CAPZA1: variants seen among roughly 807,000 people sequenced by gnomAD.
The protein encoded by CAPZA1 is capping actin protein of muscle Z-line subunit alpha 1.
In CAPZA1, 10 loss-of-function variants were observed where a neutral mutation model predicts 40.8. The ratio of observed to expected loss-of-function variants is 0.25; its 90% CI spans 0.15 to 0.42. The LOEUF is 0.42. Ranked by LOEUF, CAPZA1 falls within the 10% of genes least tolerant of loss-of-function variation. CAPZA1 has a pLI of 1.00. For synonymous variants in CAPZA1, 98 were observed against 115.0 expected, an observed-to-expected ratio of 0.85 and a Z score of 0.95; for missense variants, 277 against 353.8, an observed-to-expected ratio of 0.78 and a Z score of 1.74.
intron 1 of CAPZA1, among the ~76,000 whole-genome samples, chr1:112,639,900 T>A (rs1671103519): frequency 1.5e-5 from 2 of 129,704 alleles, no homozygotes; most frequent in African/African-American, 5.7e-5. Flanking sequence ...AGCCGCCCCG[T>A]CCGGGAGGGA....
At chr1:112,658,032 C>G (rs1167540679) in intron 5 of CAPZA1, among the ~76,000 whole-genome samples, 1 of 152,184 alleles carries the variant, frequency 6.6e-6, no homozygotes, top group African/African-American at 2.4e-5. Flanking sequence ...GGTTTGGATT[C>G]TACCTTTACC....
chr1:112,668,734 C>T (rs2101194779), intron 8 of CAPZA1, among the ~76,000 whole-genome samples: 1 of 152,244 alleles, frequency 6.6e-6, no homozygotes, highest in South Asian at 2.1e-4. Flanking sequence ...GCCTCGGCCT[C>T]CCAAAGTGCT....
intron 1 of CAPZA1, among the ~76,000 whole-genome samples, chr1:112,630,174 G>A (rs1006355552): frequency 6.6e-6 from 1 of 151,834 alleles, no homozygotes; most frequent in Non-Finnish European, 1.5e-5. Context: ...TTTCTAATGA[G>A]TAGCTAGGAC....
chr1:112,623,437 C>CT (rs1358475711), intron 1 of CAPZA1, among the ~76,000 whole-genome samples: 1 of 152,030 alleles, frequency 6.6e-6, no homozygotes, highest in African/African-American at 2.4e-5. Flanking sequence ...CCCCAACACT[C>CT]TGGGAGGCCG....
At chr1:112,646,894 A>C (rs1671290827) in intron 1 of CAPZA1, 1 of 186,362 alleles carries the variant, frequency 5.4e-6, no homozygotes, top group Non-Finnish European at 1.1e-5. Flanking sequence ...GTTTTGCTTA[A>C]ATGTTCATAA....
intron 1 of CAPZA1, among the ~76,000 whole-genome samples, chr1:112,626,667 T>G (rs1309711063): frequency 1.3e-5 from 2 of 152,204 alleles, no homozygotes; most frequent in Admixed American, 1.3e-4. Context: ...GCTTGAATTA[T>G]TTTTAACAAC....
chr1:112,631,673 A>G (rs779512607), intron 1 of CAPZA1, among the ~76,000 whole-genome samples: 46 of 152,132 alleles, frequency 3.0e-4, no homozygotes, highest in Non-Finnish European at 5.9e-4. Context: ...CTTGACATCT[A>G]CATCATTGCT....
At chr1:112,644,416 C>T (rs1167234015) in intron 1 of CAPZA1, among the ~76,000 whole-genome samples, 1 of 151,850 alleles carries the variant, frequency 6.6e-6, no homozygotes, top group Non-Finnish European at 1.5e-5. Flanking sequence ...GTCTTGAAGT[C>T]CTGACCTCAA....
At chr1:112,633,152 C>T (rs1326237409) in intron 1 of CAPZA1, among the ~76,000 whole-genome samples, 1 of 152,318 alleles carries the variant, frequency 6.6e-6, no homozygotes, top group East Asian at 1.9e-4. Flanking sequence ...CCATGCAGTG[C>T]AGTAGAGCAC....
At chr1:112,654,442 T>C in intron 4 of CAPZA1, 23 bp from the exon 5 acceptor site, 1 of 1,522,912 alleles carries the variant, frequency 6.6e-7, no homozygotes, top group Non-Finnish European at 9.0e-7. Context: ...CAGTTACTCA[T>C]ATGTTTAATG....
chr1:112,659,895 G>T (rs977771930), intron 7 of CAPZA1, 116 bp downstream of exon 7: 104 of 727,030 alleles, frequency 1.4e-4, no homozygotes, highest in Non-Finnish European at 3.5e-5. Flanking sequence ...ACTGATGGCA[G>T]TGAATAGAAA....
chr1:112,640,353 G>A (rs1456769955), intron 1 of CAPZA1, among the ~76,000 whole-genome samples: 2 of 121,686 alleles, frequency 1.6e-5, no homozygotes, highest in East Asian at 5.3e-4. Flanking sequence ...CGCCCCGTCC[G>A]GGAGGGAGGT....
chr1:112,643,140 A>G (rs1268513103), intron 1 of CAPZA1, among the ~76,000 whole-genome samples: 1 of 152,236 alleles, frequency 6.6e-6, no homozygotes, highest in Non-Finnish European at 1.5e-5. Context: ...GATTTTTTAA[A>G]TAAGAGATTG....
At chr1:112,623,649 C>G (rs1294924239) in intron 1 of CAPZA1, among the ~76,000 whole-genome samples, 1 of 150,654 alleles carries the variant, frequency 6.6e-6, no homozygotes, top group Non-Finnish European at 1.5e-5. Flanking sequence ...CCATTGCACT[C>G]CAGCCTGGGC....
At chr1:112,662,720 A>G (rs1671643511) in intron 7 of CAPZA1, among the ~76,000 whole-genome samples, 1 of 151,734 alleles carries the variant, frequency 6.6e-6, no homozygotes, top group South Asian at 2.1e-4. Flanking sequence ...ATTGAGATCA[A>G]AAACAGTGAG....
chr1:112,656,353 T>C (rs146040894), intron 5 of CAPZA1, among the ~76,000 whole-genome samples: 37 of 151,802 alleles, frequency 2.4e-4, no homozygotes, highest in Non-Finnish European at 5.1e-4. Flanking sequence ...TAGTAATATA[T>C]GTAATATATG....
At chr1:112,644,680 T>A (rs774344044) in intron 1 of CAPZA1, among the ~76,000 whole-genome samples, 1 of 152,196 alleles carries the variant, frequency 6.6e-6, no homozygotes, top group Admixed American at 6.5e-5. Context: ...GGGAGTTGAA[T>A]CATCTTCATA....
chr1:112,654,864 C>T (rs566383536), intron 5 of CAPZA1, among the ~76,000 whole-genome samples, 193 bp downstream of exon 5: 2 of 152,052 alleles, frequency 1.3e-5, no homozygotes, highest in South Asian at 4.1e-4. Flanking sequence ...TTTTAAAATC[C>T]CAATGCACAA....
chr1:112,634,741 C>G (rs1048653747), intron 1 of CAPZA1: 1 of 151,998 alleles, frequency 6.6e-6, no homozygotes, highest in Non-Finnish European at 1.5e-5. Context: ...CTGGTGAAAA[C>G]CAGAAAACCT....
Sources: gnomAD v4.1 joint callset for allele counts (sites outside exome capture counted in the v4.1 genomes callset) on GRCh38, gnomAD v4.1.1 for gene constraint, MANE v1.5 for transcripts, NCBI Gene and HGNC (gene_info 2026-07-23, HGNC 2026-07-21) for gene names.